Variants in ST3GAL2 observed in about 807,000 individuals in gnomAD.
ST3GAL2 encodes ST3 beta-galactoside alpha-2,3-sialyltransferase 2, also known as CMP-N-acetylneuraminate-beta-galactosamide-alpha-2,3-sialyltransferase 2.
Under a neutral mutation model 37.5 loss-of-function variants are expected in ST3GAL2, and 16 were observed. The ratio of observed to expected loss-of-function variants is 0.43; its 90% CI spans 0.29 to 0.65. The LOEUF (loss-of-function observed/expected upper bound fraction) is 0.65. ST3GAL2 is among the 30% of genes least tolerant of loss of function. ST3GAL2 has a pLI of 0.17. For synonymous variants in ST3GAL2, 238 were observed against 202.9 expected (o/e 1.17, Z -1.47); for missense variants, 383 against 487.8 (o/e 0.79, Z 2.02).
At chr16:70,383,495 T>G (rs1272056842) in intron 4 of ST3GAL2, among the ~76,000 whole-genome samples, 1 of 135,140 alleles carries the variant, frequency 7.4e-6, no homozygotes, top group Non-Finnish European at 1.6e-5. Context: ...GAGGTTTCAG[T>G]GCGCCGAGAT....
At chr16:70,386,200 C>A (rs1289897927) in intron 4 of ST3GAL2, among the ~76,000 whole-genome samples, 1 of 143,388 alleles carries the variant, frequency 7.0e-6, no homozygotes, top group South Asian at 2.2e-4. Flanking sequence ...TTTTTTTTTT[C>A]TTCCTGAGAC....
intron 1 of ST3GAL2, among the ~76,000 whole-genome samples, chr16:70,411,831 C>CTGAA (rs2047640341): frequency 1.3e-5 from 2 of 152,124 alleles, no homozygotes; most frequent in South Asian, 4.2e-4. Flanking sequence ...CCCGTCTCTA[C>CTGAA]TGAAAATACA....
At chr16:70,383,099 A>G in intron 5 of ST3GAL2, 91 bp downstream of exon 5, 3 of 1,589,052 alleles carry the variant, frequency 1.9e-6, no homozygotes, top group East Asian at 4.5e-5. Context: ...GAGGTTCTGC[A>G]GGGGAAATGG....
Position 70,391,902 on chromosome 16 carries a change from C to G in ST3GAL2, c.533+3080G>C, listed in dbSNP as rs1380380887. On this transcript the variant is annotated intron_variant, in intron 3 of 6. Coordinates refer to ENST00000342907, the MANE Select transcript of ST3GAL2 (RefSeq NM_006927.4). Reference sequence around the variant, plus strand: ...GGGATTACAGGCGTGAGCCACTGCGCCCAGCCAAGGTGTACACTTGACCTA... The same window carrying G: ...GGGATTACAGGCGTGAGCCACTGCGGCCAGCCAAGGTGTACACTTGACCTA... Among the ~76,000 whole-genome samples, 3 of 152,352 alleles carry G rather than the reference C, an allele frequency of 2.0e-5. No homozygotes were observed. In the South Asian group the frequency reaches 6.2e-4, roughly 32 times the overall value.
chr16:70,413,902 GTTATCCCAAA>G (rs1347478260), intron 1 of ST3GAL2, among the ~76,000 whole-genome samples: 1 of 152,078 alleles, frequency 6.6e-6, no homozygotes, highest in African/African-American at 2.4e-5. Context: ...TTATGGCTCT[GTTATCCCAAA>G]TTTCTGCTTC....
At chr16:70,389,268 C>A (rs1259378367) in intron 3 of ST3GAL2, among the ~76,000 whole-genome samples, 6 of 121,414 alleles carry the variant, frequency 4.9e-5, no homozygotes, top group African/African-American at 1.9e-4. Context: ...GGGGGCTTAA[C>A]TCATTTTTAC....
intron 1 of ST3GAL2, among the ~76,000 whole-genome samples, chr16:70,438,525 C>G (rs1336616061): frequency 6.6e-6 from 1 of 152,168 alleles, no homozygotes; most frequent in African/African-American, 2.4e-5. Context: ...ATGGGGCAGA[C>G]AGGCTCTGGC....
At chr16:70,429,036 G>C (rs1349351303) in intron 1 of ST3GAL2, among the ~76,000 whole-genome samples, 1 of 152,254 alleles carries the variant, frequency 6.6e-6, no homozygotes, top group African/African-American at 2.4e-5. Flanking sequence ...ATCCAGGACA[G>C]AGCAGGAGTT....
intron 3 of ST3GAL2, among the ~76,000 whole-genome samples, chr16:70,392,421 A>T (rs1175036741): frequency 6.6e-6 from 1 of 152,200 alleles, no homozygotes; most frequent in Non-Finnish European, 1.5e-5. Flanking sequence ...GCAGCTAAAG[A>T]AGTATTCAGG....
At chr16:70,407,841 T>C (rs577143802) in intron 1 of ST3GAL2, among the ~76,000 whole-genome samples, 31 of 152,182 alleles carry the variant, frequency 2.0e-4, no homozygotes, top group African/African-American at 7.2e-4. Flanking sequence ...ATCAACGACT[T>C]AACCTAATGA....
chr16:70,381,999 A>C, intron 6 of ST3GAL2, 137 bp from the exon 7 acceptor site: 1 of 974,754 alleles, frequency 1.0e-6, no homozygotes, highest in Non-Finnish European at 1.5e-6. Context: ...GCCTAAGGAC[A>C]TGGACTCACA....
Position 70,429,588 on chromosome 16 carries a change from C to CAAAAAAAAAAAAAAAAAAA in ST3GAL2, c.-1004+9342_-1004+9360dup, listed in dbSNP as rs1173306093. Among the ~76,000 whole-genome samples the CAAAAAAAAAAAAAAAAAAA allele has an allele frequency of 2.5e-4, 9 of 36,064 alleles. 1 individual carries two copies. The highest frequency in any genetic ancestry group is 8.6e-4 in the African/African-American group (9 of 10,406). 23.7% of individuals were successfully genotyped at this position (36,064 alleles called of 152,430 possible). On this transcript the variant is annotated intron_variant, in intron 1 of 6. Transcript: ENST00000342907. ...TGGGCAACAGAGCAAGACTCTGTCTCAAAAAAAAAAAAAAAAAAAAGAGTG... is the reference window on the plus strand; with the variant it reads ...TGGGCAACAGAGCAAGACTCTGTCTCAAAAAAAAAAAAAAAAAAAAAAAAAAAAAAAAAAAAAAAGAGTG...
chr16:70,429,588 C>CAAAAAAAAAAAAA lies in ST3GAL2; in HGVS notation c.-1004+9348_-1004+9360dup, dbSNP rs1173306093. Among the ~76,000 whole-genome samples the CAAAAAAAAAAAAA allele has an allele frequency of 7.7e-3, 276 of 36,054 alleles. 14 individuals carry two copies. Among genetic ancestry groups the CAAAAAAAAAAAAA allele is most frequent in the African/African-American group, 0.025 (259 of 10,396 alleles). The allele number at this position is 36,054 out of a possible 152,430, so 23.7% of individuals were successfully genotyped here. On this transcript the variant is annotated intron_variant, in intron 1 of 6. Coordinates refer to ENST00000342907, the MANE Select transcript of ST3GAL2 (RefSeq NM_006927.4). ...TGGGCAACAGAGCAAGACTCTGTCT[C>CAAAAAAAAAAAAA]AAAAAAAAAAAAAAAAAAAAGAGTG... is the stretch of plus-strand genomic sequence containing the variant.
chr16:70,416,892 C>T (rs901846551), intron 1 of ST3GAL2, among the ~76,000 whole-genome samples: 2 of 152,114 alleles, frequency 1.3e-5, no homozygotes, highest in African/African-American at 2.4e-5. Context: ...ACACCTGGCA[C>T]GGCTGCTGAC....
intron 3 of ST3GAL2, 25 bp downstream of exon 3, chr16:70,394,957 A>G: frequency 6.2e-7 from 1 of 1,603,854 alleles, no homozygotes; most frequent in Non-Finnish European, 8.5e-7. Flanking sequence ...TCCTGAGCCC[A>G]CCCTTGGGCT....
intron 4 of ST3GAL2, among the ~76,000 whole-genome samples, chr16:70,384,202 T>C (rs749064003): frequency 2.0e-5 from 3 of 152,072 alleles, no homozygotes; most frequent in South Asian, 2.1e-4. Context: ...ACCCAAAAGG[T>C]AGAACACAAA....
At chr16:70,421,814 C>T (rs1597573817) in intron 1 of ST3GAL2, among the ~76,000 whole-genome samples, 2 of 151,766 alleles carry the variant, frequency 1.3e-5, no homozygotes, top group Admixed American at 6.5e-5. Flanking sequence ...CACAGGTACA[C>T]ACAACACCGC....
At chr16:70,428,165 G>A (rs973806847) in intron 1 of ST3GAL2, among the ~76,000 whole-genome samples, 2 of 152,244 alleles carry the variant, frequency 1.3e-5, no homozygotes, top group Admixed American at 1.3e-4. Flanking sequence ...CCTGAGTCAG[G>A]CTCAGAATGA....
chr16:70,384,392 A>C (rs2047427546), intron 4 of ST3GAL2, among the ~76,000 whole-genome samples: 1 of 152,220 alleles, frequency 6.6e-6, no homozygotes, highest in Non-Finnish European at 1.5e-5. Context: ...TTATGATCCC[A>C]CTTACATGAG....
Sources: gnomAD v4.1 joint callset for allele counts (sites outside exome capture counted in the v4.1 genomes callset) on GRCh38, gnomAD v4.1.1 for gene constraint, MANE v1.5 for transcripts, NCBI Gene and HGNC (gene_info 2026-07-23, HGNC 2026-07-21) for gene names.